ACSM2A: variants seen among roughly 807,000 people sequenced by gnomAD.
ACSM2A encodes acyl-CoA synthetase medium chain family member 2A, also known as acyl-coenzyme A synthetase ACSM2A, mitochondrial.
In ACSM2A, 72 loss-of-function variants were observed where a neutral mutation model predicts 76.6. The ratio of observed to expected loss-of-function variants is 0.94; its 90% confidence interval spans 0.78 to 1.14. The LOEUF (loss-of-function observed/expected upper bound fraction) is 1.14, where lower values mean the gene tolerates loss of function less well. Ranked by LOEUF, ACSM2A falls within the 50% of genes most tolerant of loss-of-function variation. ACSM2A has a pLI of 0.00. For missense variants in ACSM2A, 684 were observed against 708.5 expected, an observed-to-expected ratio of 0.97 and a Z score of 0.39; for synonymous variants, 249 against 255.9, an observed-to-expected ratio of 0.97 and a Z score of 0.26.
chr16:20,459,658 A>G (rs1033933413), intron 1 of ACSM2A, among the ~76,000 whole-genome samples: 1 of 152,186 alleles, frequency 6.6e-6, no homozygotes, highest in African/African-American at 2.4e-5. Flanking sequence ...CTCGTTGACC[A>G]AAGCATATCT....
At chr16:20,455,705 A>T (rs1567354633) in intron 1 of ACSM2A, among the ~76,000 whole-genome samples, 1 of 146,386 alleles carries the variant, frequency 6.8e-6, no homozygotes, top group African/African-American at 2.7e-5. Flanking sequence ...TAAAGCATAA[A>T]CCTCACATGA....
At chr16:20,462,083 T>G (rs775633007) in intron 2 of ACSM2A, among the ~76,000 whole-genome samples, 22 of 152,196 alleles carry the variant, frequency 1.4e-4, no homozygotes, top group Non-Finnish European at 2.5e-4. Flanking sequence ...TCAGTAACTT[T>G]TCCAGAATGC....
intron 12 of ACSM2A, 177 bp from the exon 13 acceptor site, chr16:20,482,881 G>C (rs112527554): frequency 2.0e-6 from 2 of 993,300 alleles, no homozygotes; most frequent in Non-Finnish European, 2.8e-6. Context: ...AATGACTTCA[G>C]AGAGAGCTGT....
chr16:20,471,729 G>T, intron 6 of ACSM2A, 40 bp downstream of exon 6: 1 of 1,585,386 alleles, frequency 6.3e-7, no homozygotes. Context: ...TTCAGAGTGA[G>T]CCCGAGGTTT....
intron 1 of ACSM2A, among the ~76,000 whole-genome samples, chr16:20,454,909 A>G (rs1957286756): frequency 6.6e-6 from 1 of 151,544 alleles, no homozygotes; most frequent in Admixed American, 6.6e-5. Context: ...GGAAAAAAAA[A>G]AATACAAGTT....
At chr16:20,462,453 C>T (rs1161710271) in intron 2 of ACSM2A, among the ~76,000 whole-genome samples, 3 of 152,138 alleles carry the variant, frequency 2.0e-5, no homozygotes, top group Admixed American at 6.6e-5. Flanking sequence ...CAGGAATGAG[C>T]AAGAACAAAA....
chr16:20,463,560 C>A (rs1283004071), intron 2 of ACSM2A, among the ~76,000 whole-genome samples: 1 of 152,002 alleles, frequency 6.6e-6, no homozygotes, highest in Non-Finnish European at 1.5e-5. Context: ...CCATGTGATG[C>A]ACCTGCTCCC....
chr16:20,476,856 AC>A (rs1356804774), intron 8 of ACSM2A: 1 of 301,910 alleles, frequency 3.3e-6, no homozygotes, highest in Non-Finnish European at 4.9e-6. Flanking sequence ...CATGGGAGAT[AC>A]TTTAAAAAGT....
At chr16:20,470,275 T>C (rs1283131878) in intron 4 of ACSM2A, among the ~76,000 whole-genome samples, 1 of 152,208 alleles carries the variant, frequency 6.6e-6, no homozygotes, top group African/African-American at 2.4e-5. Flanking sequence ...ACCCAAGAGA[T>C]GGCTGATATA....
Position 20,475,736 on chromosome 16 carries a change from G to C in ACSM2A, c.1061G>C (p.Gly354Ala), listed in dbSNP as rs145974879. ...CTGGAGAACTGGAGGGCCCAGACAGGACTGGACATCCGAGAATCCTATGGC... is the reference window on the plus strand; with the variant it reads ...CTGGAGAACTGGAGGGCCCAGACAGCACTGGACATCCGAGAATCCTATGGC... Reference protein sequence around the residue: ...ETLENWRAQTGLDIRESYGQT... With the variant: ...ETLENWRAQTALDIRESYGQT... The change falls in exon 8 of 14, where the codon GGA becomes GCA. Residue 354 changes from glycine to alanine, a missense_variant. Physicochemically the swap from Gly to Ala is moderately conservative, Grantham distance 60. Transcript: ENST00000573854. The C allele has an allele frequency of 6.2e-7, 1 of 1,613,902 alleles. No homozygotes were observed. Among genetic ancestry groups the C allele is most frequent in the Non-Finnish European group, 8.5e-7 (1 of 1,179,930 alleles).
chr16:20,469,867 A>G (rs1250467586), intron 4 of ACSM2A, 148 bp downstream of exon 4: 1 of 869,294 alleles, frequency 1.2e-6, no homozygotes, highest in Non-Finnish European at 1.6e-6. Context: ...AGCTAACACA[A>G]GGGTATTTTT....
intron 2 of ACSM2A, among the ~76,000 whole-genome samples, chr16:20,462,440 G>A (rs1480702491): frequency 6.6e-6 from 1 of 152,136 alleles, no homozygotes; most frequent in Admixed American, 6.5e-5. Context: ...CTTGGTCTAT[G>A]CCCAGGAATG....
intron 13 of ACSM2A, among the ~76,000 whole-genome samples, chr16:20,486,233 C>G (rs1012959561): frequency 6.6e-6 from 1 of 152,208 alleles, no homozygotes; most frequent in African/African-American, 2.4e-5. Flanking sequence ...TGAGTCTTAG[C>G]AAAGCCAAGG....
intron 2 of ACSM2A, among the ~76,000 whole-genome samples, chr16:20,461,199 T>G (rs2141695483): frequency 6.8e-6 from 1 of 146,146 alleles, no homozygotes; most frequent in South Asian, 2.3e-4. Context: ...GATTATGACA[T>G]GATGTCCTAA....
intron 10 of ACSM2A, 72 bp from the exon 11 acceptor site, chr16:20,480,501 G>A: frequency 1.9e-6 from 3 of 1,546,170 alleles, no homozygotes; most frequent in Non-Finnish European, 2.6e-6. Flanking sequence ...CATAGCATTT[G>A]TTCATGGCAG....
Position 20,480,622 on chromosome 16 carries a change from T to C in ACSM2A, c.1331T>C (p.Leu444Pro), listed in dbSNP as rs1289268285. ...AACATTCGAGGAGACTTTTGGCTCCTTGGAGACCGGGGAATCAAAGATGAA... is the reference window on the plus strand; with the variant it reads ...AACATTCGAGGAGACTTTTGGCTCCCTGGAGACCGGGGAATCAAAGATGAA... ...AANIRGDFWL[L>P]GDRGIKDEDG... The change falls in exon 11 of 14, where the codon CTT (leucine) becomes CCT (proline). Residue 444 changes from leucine to proline, a missense_variant. Physicochemically the swap from Leu to Pro is moderately conservative, Grantham distance 98. Transcript: ENST00000573854. The C allele has an allele frequency of 5.0e-6, 8 of 1,613,614 alleles. No homozygotes were observed. The highest frequency in any genetic ancestry group is 6.8e-6 in the Non-Finnish European group (8 of 1,179,794).
intron 6 of ACSM2A, 51 bp downstream of exon 6, chr16:20,471,740 G>C: frequency 6.4e-7 from 1 of 1,571,750 alleles, no homozygotes; most frequent in Non-Finnish European, 8.6e-7. Context: ...CCCGAGGTTT[G>C]CACACTTCAA....
At chr16:20,463,968 A>G (rs2012798215) in intron 2 of ACSM2A, among the ~76,000 whole-genome samples, 1 of 152,076 alleles carries the variant, frequency 6.6e-6, no homozygotes, top group Non-Finnish European at 1.5e-5. Flanking sequence ...CAGATTCCCT[A>G]AGTCATTACT....
intron 2 of ACSM2A, among the ~76,000 whole-genome samples, chr16:20,462,581 G>A (rs9937581): frequency 0.4 from 60,211 of 151,876 alleles, 13,765 homozygotes; most frequent in East Asian, 0.79. Context: ...TAAAATTGCT[G>A]ACATGTTTTG....
Sources: allele counts gnomAD v4.1 joint callset (sites outside exome capture counted in the v4.1 genomes callset), GRCh38; gene constraint gnomAD v4.1.1; transcripts MANE v1.5; gene names NCBI Gene and HGNC (gene_info 2026-07-23, HGNC 2026-07-21).